TENT4B: variants seen among roughly 807,000 people sequenced by gnomAD.
TENT4B encodes the protein terminal nucleotidyltransferase 4B.
Under a neutral mutation model 75.0 loss-of-function variants are expected in TENT4B, and 10 were observed. The ratio of observed to expected loss-of-function variants is 0.13; its 90% confidence interval spans 0.08 to 0.23. The LOEUF is 0.23. Ranked by LOEUF, TENT4B falls within the 10% of genes least tolerant of loss-of-function variation. TENT4B has a pLI of 1.00. For synonymous variants in TENT4B, 350 were observed against 357.7 expected (o/e 0.98, Z 0.24); for missense variants, 579 against 893.8 (o/e 0.65, Z 4.49).
At chr16:50,173,058 T>G (rs554214122) in intron 1 of TENT4B, among the ~76,000 whole-genome samples, 6 of 152,304 alleles carry the variant, frequency 3.9e-5, no homozygotes, top group African/African-American at 1.2e-4. Context: ...TTCTCCTGTC[T>G]CAGCCTCCCA....
In TENT4B at chr16:50,153,789, C is replaced by T; in HGVS notation, c.168C>T (p.Ser56=). The change falls in exon 1 of 12, where the codon AGC becomes AGT. Residue 56 remains serine, a synonymous_variant. Coordinates refer to ENST00000561678, the MANE Select transcript of TENT4B (RefSeq NM_001365324.3). ...GCGGCGGCAGCAGCAGCAGCAGCAG[C>T]ACGGCCACCGGCGGGAGCGGCAGCA... ...SGGGGSSSSS[S]TATGGSGSST... is the part of the protein sequence containing the mutation. The T allele has an allele frequency of 8.4e-7, 1 of 1,188,956 alleles. No individual in the cohort carries two copies. Among genetic ancestry groups the T allele is most frequent in the East Asian group, 3.9e-5 (1 of 25,954 alleles). The allele number at this position is 1,188,956 out of a possible 1,614,324, so 73.7% of individuals were successfully genotyped here.
upstream of TENT4B, chr16:50,152,949 C>T (rs1227172986): frequency 1.2e-5 from 18 of 1,506,364 alleles, no homozygotes; most frequent in Non-Finnish European, 1.5e-5. Context: ...GGGCGGCAAC[C>T]TCCATGCGGC....
intron 8 of TENT4B, 46 bp downstream of exon 8, chr16:50,224,829 G>T (rs1261441533): frequency 2.5e-6 from 4 of 1,612,428 alleles, no homozygotes; most frequent in Non-Finnish European, 3.4e-6. Context: ...AATTAGTTGT[G>T]GCTTCTTATC....
intron 4 of TENT4B, 91 bp downstream of exon 4, chr16:50,216,286 G>A: frequency 1.4e-6 from 2 of 1,455,092 alleles, no homozygotes; most frequent in Non-Finnish European, 1.9e-6. Flanking sequence ...CAGTTGCATT[G>A]CAAGTGAGTG....
chr16:50,233,868 T>A lies in TENT4B; in HGVS notation c.*4540T>A. 2.0e-6 allele frequency: 2 copies of A among 985,476 alleles called. No individual in the cohort carries two copies. The highest frequency in any genetic ancestry group is 2.4e-6 in the Non-Finnish European group (2 of 829,936). The allele number at this position is 985,476 out of a possible 1,614,324, so 61.0% of individuals were successfully genotyped here. On this transcript the variant is annotated 3_prime_UTR_variant, in exon 12 of 12. Coordinates refer to ENST00000561678, the MANE Select transcript of TENT4B (RefSeq NM_001365324.3). ...TAGCTCCTGGATTTACTGAGAGATA[T>A]TTTAGCTATGTCAATAAGAACAGCT...
At chr16:50,199,400 GA>G (rs1463988307) in intron 1 of TENT4B, among the ~76,000 whole-genome samples, 5 of 152,190 alleles carry the variant, frequency 3.3e-5, no homozygotes, top group Non-Finnish European at 7.3e-5. Context: ...ACTAGTGGGG[GA>G]GTAAGGGGAC....
Position 50,153,547 on chromosome 16 carries a change from C to A in TENT4B, c.-75C>A, listed in dbSNP as rs2037819640. The A allele has an allele frequency of 2.1e-6, 2 of 972,232 alleles. No homozygotes were observed. The highest frequency in any genetic ancestry group is 2.4e-6 in the Non-Finnish European group (2 of 825,614). 60.2% of individuals were successfully genotyped at this position (972,232 alleles called of 1,614,324 possible). A position where few individuals can be genotyped will look rare whatever the true frequency, so the allele number is the denominator to read the frequency against. ...AGCAGCAGCAGCAGCCGAGGCCGGG[C>A]GTGCGCCTGAGGCGGCGGCGGCGGC... is the stretch of plus-strand genomic sequence containing the variant. On this transcript the variant is annotated 5_prime_UTR_variant, in exon 1 of 12. Transcript: ENST00000561678.
At chr16:50,190,693 A>G (rs549034013) in intron 1 of TENT4B, among the ~76,000 whole-genome samples, 1 of 152,218 alleles carries the variant, frequency 6.6e-6, no homozygotes, top group South Asian at 2.1e-4. Flanking sequence ...ATTTTAAAAC[A>G]TTATAGTAGA....
rs1184748057 is a variant in TENT4B, at chr16:50,153,612, C to T, written c.-10C>T. The T allele has an allele frequency of 1.0e-6, 1 of 1,002,854 alleles. No individual in the cohort carries two copies. The highest frequency in any genetic ancestry group is 1.2e-6 in the Non-Finnish European group (1 of 843,880). The allele number at this position is 1,002,854 out of a possible 1,614,324, so 62.1% of individuals were successfully genotyped here. A position where few individuals can be genotyped will look rare whatever the true frequency, so the allele number is the denominator to read the frequency against. On this transcript the variant is annotated 5_prime_UTR_variant, in exon 1 of 12. Transcript: ENST00000561678. ...CCGGGAGGGGCGGGGGCAGCGGCCG[C>T]CGCCGTTTGATGGATCCGAGGATCG... is the stretch of plus-strand genomic sequence containing the variant.
chr16:50,162,264 A>T (rs1244355708), intron 1 of TENT4B, among the ~76,000 whole-genome samples: 1 of 152,230 alleles, frequency 6.6e-6, no homozygotes, highest in East Asian at 1.9e-4. Flanking sequence ...AAGCTGCTAT[A>T]AACATTCATG....
chr16:50,228,129 C>T, intron 11 of TENT4B, 126 bp downstream of exon 11: 1 of 1,215,582 alleles, frequency 8.2e-7, no homozygotes, highest in Non-Finnish European at 1.1e-6. Flanking sequence ...TTATTTTATT[C>T]TAAGAGGTTC....
Position 50,211,463 on chromosome 16 carries a change from G to A in TENT4B, c.762+17G>A. 3.2e-6 allele frequency: 5 copies of A among 1,558,502 alleles called. No individual in the cohort carries two copies. Among genetic ancestry groups the A allele is most frequent in the Non-Finnish European group, 4.3e-6 (5 of 1,161,828 alleles). On this transcript the variant is annotated intron_variant, in intron 2 of 11. Transcript: ENST00000561678. ...AGCGCTGACGTGAGTCCCTTCCTGG[G>A]TAGCTTATGCTTCGGACAGTCCTTG...
In TENT4B at chr16:50,225,431, C is replaced by G. The variant is rs977110112; in HGVS notation, c.1800+146C>G. ...TAACTTTCATGCTTGTACATTTTCT[C>G]AACATTTTGTTATGAAAAAGTTCAA... On this transcript the variant is annotated intron_variant, in intron 10 of 11. Transcript: ENST00000561678. 14 of 873,272 alleles carry G rather than the reference C, an allele frequency of 1.6e-5. No individual in the cohort carries two copies. The African/African-American group carries it at 1.9e-4, about 12-fold the overall frequency. The allele number at this position is 873,272 out of a possible 1,614,324, so 54.1% of individuals were successfully genotyped here.
intron 1 of TENT4B, among the ~76,000 whole-genome samples, chr16:50,156,809 C>T (rs953515339): frequency 6.6e-6 from 1 of 152,058 alleles, no homozygotes. Context: ...GCACATGTCA[C>T]CACACCTGCC....
chr16:50,217,740 AT>A, intron 5 of TENT4B, 77 bp downstream of exon 5: 1 of 740,496 alleles, frequency 1.4e-6, no homozygotes, highest in Non-Finnish European at 2.1e-6. Context: ...GTGTTCTAAT[AT>A]TTTTATATGC....
intron 1 of TENT4B, among the ~76,000 whole-genome samples, chr16:50,201,353 A>G (rs569499781): frequency 1.1e-4 from 16 of 152,160 alleles, no homozygotes; most frequent in Non-Finnish European, 2.1e-4. Flanking sequence ...CCTGGCCAAC[A>G]TGGTGAAACG....
At chr16:50,207,755 A>G (rs2031063375) in intron 1 of TENT4B, among the ~76,000 whole-genome samples, 1 of 152,318 alleles carries the variant, frequency 6.6e-6, no homozygotes, top group East Asian at 1.9e-4. Flanking sequence ...GAGGCATAAA[A>G]TTATATTACC....
chr16:50,160,365 A>G (rs2037980919), intron 1 of TENT4B, among the ~76,000 whole-genome samples: 1 of 152,186 alleles, frequency 6.6e-6, no homozygotes, highest in Non-Finnish European at 1.5e-5. Flanking sequence ...TTGAAAAGCA[A>G]AGGAAACGGT....
intron 10 of TENT4B, among the ~76,000 whole-genome samples, chr16:50,225,686 C>CTTTT (rs1210292398): frequency 7.0e-6 from 1 of 143,604 alleles, no homozygotes; most frequent in Non-Finnish European, 1.5e-5. Flanking sequence ...TTGTTTTTTC[C>CTTTT]TTTTTTTTTT....
Sources: allele counts gnomAD v4.1 joint callset (sites outside exome capture counted in the v4.1 genomes callset), GRCh38; gene constraint gnomAD v4.1.1; transcripts MANE v1.5; gene names NCBI Gene and HGNC (gene_info 2026-07-23, HGNC 2026-07-21).